Variants in ZNF385D observed in about 807,000 individuals in gnomAD.
The protein encoded by ZNF385D is zinc finger protein 659.
Under a neutral mutation model 35.8 loss-of-function variants are expected in ZNF385D, and 15 were observed. That is an observed-to-expected ratio of 0.42 (90% CI 0.28 to 0.64). The LOEUF is 0.64. Among genes scored for constraint, ZNF385D ranks in the 30% least tolerant of loss-of-function variants. The probability of loss-of-function intolerance (pLI) is 0.23; values close to 1 mark genes in which losing one functional copy is unlikely to be tolerated. For missense variants in ZNF385D, 474 were observed against 494.6 expected (o/e 0.96, Z 0.39); for synonymous variants, 212 against 186.8 (o/e 1.13, Z -1.10).
chr3:21,457,918 A>G (rs1299311878), intron 4 of ZNF385D, among the ~76,000 whole-genome samples: 1 of 152,202 alleles, frequency 6.6e-6, no homozygotes, highest in Non-Finnish European at 1.5e-5. Context: ...AAGCTGTGCC[A>G]GGAATTATAT....
At chr3:21,982,930 G>C (rs755750760) in intron 3 of ZNF385D, among the ~76,000 whole-genome samples, 3 of 151,802 alleles carry the variant, frequency 2.0e-5, no homozygotes, top group Non-Finnish European at 2.9e-5. Flanking sequence ...TTGCCTTCTG[G>C]GGATGAAGCC....
At chr3:21,464,318 A>G (rs1174192613) in intron 4 of ZNF385D, among the ~76,000 whole-genome samples, 1 of 152,200 alleles carries the variant, frequency 6.6e-6, no homozygotes, top group Non-Finnish European at 1.5e-5. Context: ...GCCTTCTATT[A>G]AGTGGTCATC....
rs187180232 is a variant in ZNF385D, at chr3:22,319,959, A to G, written c.106+52491T>C. Among the ~76,000 whole-genome samples the G allele has an allele frequency of 2.5e-3, 373 of 152,100 alleles. 7 individuals are homozygous for G. In the South Asian group the frequency reaches 0.026, roughly 11 times the overall value. On this transcript the variant is annotated intron_variant, in intron 2 of 5. Coordinates refer to the ZNF385D transcript ENST00000494108. ...ACATCTTACTATTTATTATTTTGAG[A>G]TATTTTATCATCAGAACTCTCTTTG...
chr3:22,158,786 T>C (rs1010617000), intron 3 of ZNF385D, among the ~76,000 whole-genome samples: 15 of 132,274 alleles, frequency 1.1e-4, no homozygotes, highest in African/African-American at 4.2e-4. Flanking sequence ...CTATAGAAAC[T>C]AGAAGCCAGT....
chr3:22,275,912 C>G (rs1286667339), intron 2 of ZNF385D, among the ~76,000 whole-genome samples: 1 of 151,994 alleles, frequency 6.6e-6, no homozygotes, highest in Non-Finnish European at 1.5e-5. Flanking sequence ...TGGCGAAACC[C>G]CATCTCTACT....
In ZNF385D at chr3:22,003,441, G is replaced by C. The variant is rs1695985183; in HGVS notation, c.325+165376C>G. On this transcript the variant is annotated intron_variant, in intron 3 of 5. Transcript: ENST00000494108. ...AAATTAAAGAGGACACTAACAGATG[G>C]AAAGACATCTTATGCTCATGGATTG... Among the ~76,000 whole-genome samples, 3 of 152,212 alleles carry C rather than the reference G, an allele frequency of 2.0e-5. No individual in the cohort carries two copies. In the South Asian group the frequency reaches 6.2e-4, roughly 32 times the overall value.
upstream of ZNF385D, chr3:21,751,237 C>A: frequency 3.5e-6 from 4 of 1,127,238 alleles, no homozygotes; most frequent in South Asian, 5.0e-5. Flanking sequence ...GACCCCTCCA[C>A]CCCACCCCAC....
chr3:22,151,229 A>T (rs138067651), intron 3 of ZNF385D, among the ~76,000 whole-genome samples: 20 of 152,224 alleles, frequency 1.3e-4, no homozygotes, highest in African/African-American at 4.6e-4. Flanking sequence ...TCACAGACAC[A>T]TTTGGATATG....
At chr3:22,261,909 T>C (rs893120498) in intron 2 of ZNF385D, among the ~76,000 whole-genome samples, 1 of 152,004 alleles carries the variant, frequency 6.6e-6, no homozygotes, top group Admixed American at 6.6e-5. Context: ...TGATGTATCT[T>C]AACCTTTTTT....
rs2125361066 is a variant in ZNF385D at position 22,270,772 on chromosome 3, C to T, written c.106+101678G>A. ...CTTGAATAAGTCGTAGTGAATCTTACCCCGACTTTATTTTAAACATATGTA... is the reference window on the plus strand; with the variant it reads ...CTTGAATAAGTCGTAGTGAATCTTATCCCGACTTTATTTTAAACATATGTA... On this transcript the variant is annotated intron_variant, in intron 2 of 5. Coordinates refer to the ZNF385D transcript ENST00000494108. Among the ~76,000 whole-genome samples, 3 of 151,992 alleles carry T rather than the reference C, an allele frequency of 2.0e-5. No individual in the cohort carries two copies. In the East Asian group the frequency reaches 5.8e-4, roughly 30 times the overall value.
chr3:21,861,426 T>C (rs541317901), intron 3 of ZNF385D, among the ~76,000 whole-genome samples: 9 of 152,150 alleles, frequency 5.9e-5, no homozygotes, highest in Non-Finnish European at 1.3e-4. Flanking sequence ...TCTGAAGACA[T>C]TTCTAATGTG....
At chr3:21,789,724 A>C (rs1453596095) in intron 3 of ZNF385D, among the ~76,000 whole-genome samples, 1 of 152,206 alleles carries the variant, frequency 6.6e-6, no homozygotes, top group African/African-American at 2.4e-5. Context: ...AAAAAAGATA[A>C]ATCAAGGAAA....
intron 3 of ZNF385D, among the ~76,000 whole-genome samples, chr3:21,823,702 C>G (rs1264435241): frequency 1.3e-5 from 2 of 152,124 alleles, no homozygotes; most frequent in Non-Finnish European, 2.9e-5. Flanking sequence ...GAGCAGAAAA[C>G]TCCTTAACCA....
chr3:22,271,793 T>C (rs941981541), intron 2 of ZNF385D, among the ~76,000 whole-genome samples: 1 of 152,022 alleles, frequency 6.6e-6, no homozygotes, highest in South Asian at 2.1e-4. Context: ...AGCCTTTTTA[T>C]AAGTTCTTAG....
intron 3 of ZNF385D, among the ~76,000 whole-genome samples, chr3:21,955,786 T>C (rs2125307157): frequency 6.6e-6 from 1 of 152,272 alleles, no homozygotes; most frequent in East Asian, 1.9e-4. Flanking sequence ...TGTATGCCAA[T>C]TCCATACTGG....
At chr3:21,594,386 A>G (rs1025735764) in intron 2 of ZNF385D, among the ~76,000 whole-genome samples, 1 of 152,150 alleles carries the variant, frequency 6.6e-6, no homozygotes, top group Non-Finnish European at 1.5e-5. Context: ...GTAGTTTTTT[A>G]ATGAAATGCT....
intron 2 of ZNF385D, among the ~76,000 whole-genome samples, chr3:22,218,557 GGCT>G (rs1698042510): frequency 2.0e-5 from 3 of 151,576 alleles, no homozygotes; most frequent in Admixed American, 2.0e-4. Flanking sequence ...GCTTTTAATT[GGCT>G]GCTTATTATT....
At chr3:21,925,011 A>G (rs1486796490) in intron 3 of ZNF385D, among the ~76,000 whole-genome samples, 2 of 152,152 alleles carry the variant, frequency 1.3e-5, no homozygotes, top group African/African-American at 4.8e-5. Context: ...AAAAAAAGAG[A>G]AAAATAAGTG....
intron 3 of ZNF385D, among the ~76,000 whole-genome samples, chr3:21,970,700 TA>T: frequency 6.6e-6 from 1 of 151,920 alleles, no homozygotes; most frequent in African/African-American, 2.4e-5. Flanking sequence ...CATCAATATC[TA>T]AGTACAAGAA....
Sources: gnomAD v4.1 joint callset for allele counts (sites outside exome capture counted in the v4.1 genomes callset) on GRCh38, gnomAD v4.1.1 for gene constraint, MANE v1.5 for transcripts, NCBI Gene and HGNC (gene_info 2026-07-23, HGNC 2026-07-21) for gene names.